GLIS1: variants seen among roughly 807,000 people sequenced by gnomAD.
GLIS1 encodes the protein zinc finger protein GLIS1.
In GLIS1, 24 loss-of-function variants were observed where a neutral mutation model predicts 63.8. The observed-to-expected ratio is 0.38, with a 90% CI of 0.27 to 0.53. GLIS1 has a LOEUF of 0.53. GLIS1 is among the 20% of genes least tolerant of loss of function. The pLI, the probability that GLIS1 is intolerant of heterozygous loss-of-function variation, is 0.85. For synonymous variants in GLIS1, 450 were observed against 482.5 expected, an observed-to-expected ratio of 0.93 and a Z score of 0.88; for missense variants, 1,036 against 1,074.1, an observed-to-expected ratio of 0.96 and a Z score of 0.50.
chr1:53,611,219 A>C (rs1007205964), intron 2 of GLIS1, among the ~76,000 whole-genome samples: 1 of 152,056 alleles, frequency 6.6e-6, no homozygotes, highest in African/African-American at 2.4e-5. Flanking sequence ...CAAATAGCTG[A>C]GATTATAGGC....
At chr1:53,673,117 C>A (rs981876338) in intron 2 of GLIS1, among the ~76,000 whole-genome samples, 1 of 152,222 alleles carries the variant, frequency 6.6e-6, no homozygotes, top group African/African-American at 2.4e-5. Context: ...TTGTTCCAAT[C>A]TGGGTCCCCA....
In GLIS1 at chr1:53,594,564, C is replaced by A; in HGVS notation, c.864G>T (p.Leu288=). The stretch of plus-strand genomic sequence containing the variant: ...GCCGGGCCCGCTTGGAAGGGCCCCC[C>A]AGATCTCCCGTCAGAGGGGGGCTCC... ...GLRSPPLTGD[L]GGPSKRARPG... The change falls in exon 4 of 11, where the codon CTG becomes CTT. Residue 288 remains leucine (L), a synonymous_variant. Coordinates refer to ENST00000628545, the MANE Select transcript of GLIS1 (RefSeq NM_001367484.1). 2 of 1,599,416 alleles carry A rather than the reference C, an allele frequency of 1.3e-6. No homozygotes were observed. Among genetic ancestry groups the A allele is most frequent in the Non-Finnish European group, 8.6e-7 (1 of 1,169,404 alleles).
At chr1:53,652,150 G>A (rs1466958104) in intron 2 of GLIS1, among the ~76,000 whole-genome samples, 1 of 152,138 alleles carries the variant, frequency 6.6e-6, no homozygotes, top group Non-Finnish European at 1.5e-5. Context: ...CTGTAAAACG[G>A]GCTGTTCTGT....
At chr1:53,708,758 G>A (rs1557533775) in intron 2 of GLIS1, among the ~76,000 whole-genome samples, 1 of 152,174 alleles carries the variant, frequency 6.6e-6, no homozygotes, top group East Asian at 1.9e-4. Context: ...CTGCCCCTCT[G>A]ACCACCTGCA....
chr1:53,620,578 A>ACTC (rs1557485311), intron 2 of GLIS1, among the ~76,000 whole-genome samples: 2 of 152,238 alleles, frequency 1.3e-5, no homozygotes, highest in African/African-American at 4.8e-5. Context: ...CGCACCGTAA[A>ACTC]CATTCTGTGG....
intron 2 of GLIS1, among the ~76,000 whole-genome samples, chr1:53,632,394 G>T (rs1645664980): frequency 6.7e-6 from 1 of 149,262 alleles, no homozygotes; most frequent in South Asian, 2.2e-4. Flanking sequence ...TGACTGAGGG[G>T]TGTTTGAGTG....
chr1:53,507,633 C>T (rs1644248712), intron 10 of GLIS1, among the ~76,000 whole-genome samples: 1 of 152,266 alleles, frequency 6.6e-6, no homozygotes, highest in South Asian at 2.1e-4. Context: ...TGAAGCTTGT[C>T]AGCCTGGATT....
intron 2 of GLIS1, among the ~76,000 whole-genome samples, chr1:53,654,832 A>G (rs1408699973): frequency 6.6e-6 from 1 of 152,164 alleles, no homozygotes; most frequent in African/African-American, 2.4e-5. Context: ...ATGGAGAGAG[A>G]GAAATGGGAC....
chr1:53,638,470 C>G (rs1239935378), intron 2 of GLIS1, among the ~76,000 whole-genome samples: 1 of 152,190 alleles, frequency 6.6e-6, no homozygotes, highest in African/African-American at 2.4e-5. Context: ...GGAGCCACTA[C>G]AGAGAGTGAG....
At chr1:53,602,131 C>G (rs894387452) in intron 2 of GLIS1, among the ~76,000 whole-genome samples, 3 of 152,220 alleles carry the variant, frequency 2.0e-5, no homozygotes, top group African/African-American at 7.2e-5. Flanking sequence ...CTTGTTCCCA[C>G]TGGCCCTGGC....
chr1:53,629,731 T>G (rs1318768135), intron 2 of GLIS1, among the ~76,000 whole-genome samples: 1 of 152,210 alleles, frequency 6.6e-6, no homozygotes, highest in East Asian at 1.9e-4. Flanking sequence ...CGTCATTCTC[T>G]TTTTCTTCTC....
intron 5 of GLIS1, among the ~76,000 whole-genome samples, chr1:53,527,442 T>C (rs1644482443): frequency 6.6e-6 from 1 of 152,200 alleles, no homozygotes; most frequent in African/African-American, 2.4e-5. Flanking sequence ...ACCTGCTGCC[T>C]CAGCTGACCT....
At chr1:53,546,650 C>A (rs534439939) in intron 4 of GLIS1, among the ~76,000 whole-genome samples, 10 of 152,344 alleles carry the variant, frequency 6.6e-5, no homozygotes, top group African/African-American at 2.4e-4. Context: ...TGCCAATACA[C>A]CAGCAACAGG....
intron 2 of GLIS1, among the ~76,000 whole-genome samples, chr1:53,729,329 G>C (rs1406110071): frequency 6.6e-6 from 1 of 152,178 alleles, no homozygotes; most frequent in Non-Finnish European, 1.5e-5. Context: ...TCAACGAGAA[G>C]CCCTAGCACA....
intron 6 of GLIS1, among the ~76,000 whole-genome samples, chr1:53,523,679 C>T (rs1454355939): frequency 6.6e-6 from 1 of 152,188 alleles, no homozygotes; most frequent in Non-Finnish European, 1.5e-5. Flanking sequence ...TTAACCCAGC[C>T]AGGTGGGCTC....
At chr1:53,673,048 G>A (rs185232865) in intron 2 of GLIS1, among the ~76,000 whole-genome samples, 19 of 152,304 alleles carry the variant, frequency 1.2e-4, no homozygotes, top group African/African-American at 4.3e-4. Context: ...CAAGCACTCC[G>A]TGTTCCCCAC....
intron 2 of GLIS1, among the ~76,000 whole-genome samples, chr1:53,697,746 C>T (rs2100482314): frequency 6.6e-6 from 1 of 152,316 alleles, no homozygotes; most frequent in South Asian, 2.1e-4. Context: ...CGTATTGCCT[C>T]ACTTCATCCT....
At chr1:53,618,071 G>T (rs1406559092) in intron 2 of GLIS1, among the ~76,000 whole-genome samples, 1 of 152,244 alleles carries the variant, frequency 6.6e-6, no homozygotes, top group Non-Finnish European at 1.5e-5. Context: ...AGGTGGGAGA[G>T]TGCAGGGCTG....
intron 4 of GLIS1, among the ~76,000 whole-genome samples, chr1:53,555,163 G>C (rs942917170): frequency 2.0e-5 from 3 of 152,206 alleles, no homozygotes; most frequent in Non-Finnish European, 2.9e-5. Context: ...CAACCTATCA[G>C]GCCACTCTGG....
Sources: gnomAD v4.1 joint callset for allele counts (sites outside exome capture counted in the v4.1 genomes callset) on GRCh38, gnomAD v4.1.1 for gene constraint, MANE v1.5 for transcripts, NCBI Gene and HGNC (gene_info 2026-07-23, HGNC 2026-07-21) for gene names.